Variants in PAQR9 observed in about 807,000 individuals in gnomAD.
PAQR9 encodes the protein progestin and adipoQ receptor family member 9.
In PAQR9, 12 loss-of-function variants were observed where a neutral mutation model predicts 24.0. The ratio of observed to expected loss-of-function variants is 0.50; its 90% CI spans 0.32 to 0.81. The LOEUF is 0.81. PAQR9 is among the 30% of genes least tolerant of loss of function. PAQR9 has a pLI of 0.03. For missense variants in PAQR9, 418 were observed against 520.8 expected (o/e 0.80, Z 1.92); for synonymous variants, 266 against 237.6 (o/e 1.12, Z -1.10).
upstream of PAQR9, chr3:142,963,841 G>C (rs1052644140): frequency 1.0e-6 from 1 of 985,146 alleles, no homozygotes; most frequent in African/African-American, 1.7e-5. Context: ...CCCCTGTCTC[G>C]AGTTCCGTAC....
rs1340908757 is a variant in PAQR9 at position 142,962,735 on chromosome 3, T to A, written c.602A>T (p.Asp201Val). Residue 201 changes from aspartate (D) to valine (V), a missense_variant, in exon 1 of 1, where the codon GAC (aspartate) becomes GTC (valine). By Grantham distance (152) the Asp-to-Val change is radical (BLOSUM62 -3). Transcript: ENST00000340634. ...GTAGGCGGCGATAAGGCGCGTGCAGTCCACGTGCCAGCCCAGGCGCTGCTG... is the reference window on the plus strand; with the variant it reads ...GTAGGCGGCGATAAGGCGCGTGCAGACCACGTGCCAGCCCAGGCGCTGCTG... The part of the protein sequence containing the change: ...YLQQRLGWHV[D>V]CTRLIAAYRA... 1 of 1,612,416 alleles carries A rather than the reference T, an allele frequency of 6.2e-7. No homozygotes were observed. The highest frequency in any genetic ancestry group is 8.5e-7 in the Non-Finnish European group (1 of 1,179,670).
In PAQR9 at chr3:142,963,210, G is replaced by T. The variant is rs1358965423; in HGVS notation, c.127C>A (p.Pro43Thr). The T allele has an allele frequency of 5.7e-6, 9 of 1,569,006 alleles. No homozygotes were observed. The Admixed American group carries it at 9.4e-5, about 16-fold the overall frequency. ...ASRDPPASAK[P>T]LLRWDEVPDD... ...GGCACCTCGTCCCAGCGCAGCAGCG[G>T]CTTGGCAGACGCTGGGGGGTCCCGG... The change falls in exon 1 of 1, where the codon CCG becomes ACG. Residue 43 changes from proline to threonine, a missense_variant. Around this residue, in one of 3 missense-constraint regions of PAQR9, gnomAD observed 180 missense variants for 190.3 expected, o/e 0.95. Coordinates refer to ENST00000340634, the MANE Select transcript of PAQR9 (RefSeq NM_198504.4).
downstream of PAQR9, among the ~76,000 whole-genome samples, chr3:142,951,105 TG>T (rs1367037649): frequency 6.6e-6 from 1 of 152,214 alleles, no homozygotes; most frequent in East Asian, 1.9e-4. Context: ...TCTATAAAGA[TG>T]GGGTCTTGCT....
At position 142,963,001 on chromosome 3, in the gene PAQR9, C is replaced by T. The variant is rs368382625; in HGVS notation, c.336G>A (p.Val112=). Residue 112 remains valine, a synonymous_variant, in exon 1 of 1, where the codon GTG becomes GTA. Coordinates refer to ENST00000340634, the MANE Select transcript of PAQR9 (RefSeq NM_198504.4). ...GTAGCAGCCACGGGTGGTGGAAGGG[C>T]ACGTCGCCGCCGCTCAGGAAGAACA... ...CRLFFLSGGD[V]PFHHPWLLPL... is the part of the protein sequence containing the mutation. The T allele has an allele frequency of 6.2e-7, 1 of 1,614,126 alleles. No individual in the cohort carries two copies.
downstream of PAQR9, among the ~76,000 whole-genome samples, chr3:142,952,364 C>T (rs1934728101): frequency 2.0e-5 from 3 of 152,114 alleles, no homozygotes; most frequent in South Asian, 6.2e-4. Context: ...AATCCTAATA[C>T]AGCATATCTG....
rs2108242225 is a variant in PAQR9, at chr3:142,960,695, T to C, written c.*1508A>G. On this transcript the variant is annotated 3_prime_UTR_variant, in exon 1 of 1. Coordinates refer to ENST00000340634, the MANE Select transcript of PAQR9 (RefSeq NM_198504.4). ...TGTTAATCTAGAGTGGCCATCTCAA[T>C]TACAGGTTAGCATTTGTAAGAAATG... The C allele has an allele frequency of 6.6e-6, 1 of 152,376 alleles. No individual in the cohort carries two copies. Among genetic ancestry groups the C allele is most frequent in the South Asian group, 2.1e-4 (1 of 4,828 alleles). 9.4% of individuals were successfully genotyped at this position (152,376 alleles called of 1,614,324 possible). A position where few individuals can be genotyped will look rare whatever the true frequency, so the allele number is the denominator to read the frequency against.
exon 3 of PAQR9, chr3:142,949,165 T>C (rs1934682862): frequency 6.6e-6 from 1 of 152,254 alleles, no homozygotes; most frequent in African/African-American, 2.4e-5. Flanking sequence ...GATCTTCTTA[T>C]AGTTGGCTTA....
In PAQR9 at chr3:142,963,155, G is replaced by C; in HGVS notation, c.182C>G (p.Ser61Trp). 6.2e-7 allele frequency: 1 copy of C among 1,605,302 alleles called. No homozygotes were observed. Among genetic ancestry groups the C allele is most frequent in the Non-Finnish European group, 8.5e-7 (1 of 1,175,978 alleles). Residue 61 changes from serine (S) to tryptophan (W), a missense_variant, in exon 1 of 1, where the codon TCG becomes TGG. Transcript: ENST00000340634. ...CGTGCACGGCAGACGCCGGTAGCCC[G>C]ACAGGATGAAGCACTCCACGAAGTC... is the stretch of plus-strand genomic sequence containing the variant. ...PDDFVECFILSGYRRLPCTAQ... is the reference protein window; with the variant it reads ...PDDFVECFILWGYRRLPCTAQ...
At chr3:142,952,080 G>A (rs1934724043), downstream of PAQR9, among the ~76,000 whole-genome samples, 1 of 151,784 alleles carries the variant, frequency 6.6e-6, no homozygotes, top group Admixed American at 6.6e-5. Context: ...GTGACATAGT[G>A]GGGAGAGGGT....
rs1369556657 is a variant in PAQR9 at position 142,955,938 on chromosome 3, A to G, written c.*6265T>C. 2.6e-5 allele frequency among the ~76,000 whole-genome samples: 4 copies of G among 152,174 alleles called. No homozygotes were observed. Among genetic ancestry groups the G allele is most frequent in the Non-Finnish European group, 5.9e-5 (4 of 68,032 alleles). ...TTATTTACATTTTTAAAGACCTACT[A>G]GGTCTTTATCATTTGAGTAAGAGCT... On this transcript the variant is annotated 3_prime_UTR_variant, in exon 1 of 1. Transcript: ENST00000340634.
At chr3:142,952,554 T>C (rs1236397744), downstream of PAQR9, among the ~76,000 whole-genome samples, 3 of 152,154 alleles carry the variant, frequency 2.0e-5, no homozygotes, top group Admixed American at 2.0e-4. Context: ...TTAAACTCAA[T>C]TGTAAAATGA....
exon 3 of PAQR9, chr3:142,949,243 T>G (rs1224906418): frequency 6.6e-6 from 1 of 152,216 alleles, no homozygotes; most frequent in Non-Finnish European, 1.5e-5. Flanking sequence ...GACATTTCTG[T>G]GTAACTAAAG....
chr3:142,951,902 A>G (rs949439966), downstream of PAQR9: 1 of 388,568 alleles, frequency 2.6e-6, no homozygotes, highest in African/African-American at 2.1e-5. Flanking sequence ...TCTATCCATC[A>G]ACAAGGAGGC....
At position 142,963,234 on chromosome 3, in the gene PAQR9, G is replaced by A. The variant is rs753780522; in HGVS notation, c.103C>T (p.Arg35Trp). ...GGCTTGGCAGACGCTGGGGGGTCCC[G>A]GGAGGCGGCAGAGTGGGAGTTCCGG... Reference protein sequence around the residue: ...AARNSHSAASRDPPASAKPLL... With the variant: ...AARNSHSAASWDPPASAKPLL... Residue 35 changes from arginine to tryptophan, a missense_variant, in exon 1 of 1, where the codon CGG (arginine) becomes TGG (tryptophan). By Grantham distance (101) the Arg-to-Trp change is moderately radical. Around this residue, in one of 3 missense-constraint regions of PAQR9, gnomAD observed 180 missense variants for 190.3 expected, o/e 0.95. Coordinates refer to ENST00000340634, the MANE Select transcript of PAQR9 (RefSeq NM_198504.4). 5 of 1,547,578 alleles carry A rather than the reference G, an allele frequency of 3.2e-6. No homozygotes were observed. The Admixed American group carries it at 9.7e-5, about 30-fold the overall frequency.
chr3:142,955,035 C>G lies in PAQR9; in HGVS notation c.*7168G>C, dbSNP rs3732742. Among the ~76,000 whole-genome samples the G allele has an allele frequency of 0.02, 2,969 of 152,140 alleles. 86 individuals are homozygous for G. The highest frequency in any genetic ancestry group is 0.065 in the African/African-American group (2,681 of 41,480). On this transcript the variant is annotated 3_prime_UTR_variant, in exon 1 of 1. Transcript: ENST00000340634. ...TCTTTGTGCGCGCATCATTTTTACT[C>G]CCTTCTTTCTCCGTCATCACCCTTA...
At position 142,962,777 on chromosome 3, in the gene PAQR9, ACT is replaced by A. The variant is rs1290559794; in HGVS notation, c.558_559del (p.Arg186SerfsTer190). On this transcript the variant is annotated frameshift_variant, in exon 1 of 1. Coordinates refer to ENST00000340634, the MANE Select transcript of PAQR9 (RefSeq NM_198504.4). LOFTEE classifies it high-confidence loss of function. Reference sequence around the variant, plus strand: ...GCGCTGCTGCAAGTATGGAGTCATGACTCTGGCATCCAGCAAGCTGAGGCCTG... The same window carrying A: ...GCGCTGCTGCAAGTATGGAGTCATGACTGGCATCCAGCAAGCTGAGGCCTG... 2.5e-6 allele frequency: 4 copies of A among 1,612,364 alleles called. No homozygotes were observed. The highest frequency in any genetic ancestry group is 1.3e-5 in the African/African-American group (1 of 74,916).
downstream of PAQR9, among the ~76,000 whole-genome samples, chr3:142,954,160 A>C (rs945019888): frequency 6.6e-6 from 1 of 152,228 alleles, no homozygotes; most frequent in Non-Finnish European, 1.5e-5. Context: ...TAAGAGTTGA[A>C]GTTGGATCTC....
rs917933919 is a variant in PAQR9 at position 142,956,396 on chromosome 3, T to C, written c.*5807A>G. 2.6e-5 allele frequency among the ~76,000 whole-genome samples: 4 copies of C among 152,216 alleles called. No individual in the cohort carries two copies. The highest frequency in any genetic ancestry group is 4.8e-5 in the African/African-American group (2 of 41,460). ...AAAGGTGGCCTGTCACTTTTACACA[T>C]TGGAGAATAATTTTGCACATTCAAG... On this transcript the variant is annotated 3_prime_UTR_variant, in exon 1 of 1. Coordinates refer to ENST00000340634, the MANE Select transcript of PAQR9 (RefSeq NM_198504.4).
chr3:142,949,737 C>T (rs1419134912), downstream of PAQR9: 2 of 152,134 alleles, frequency 1.3e-5, no homozygotes, highest in African/African-American at 2.4e-5. Flanking sequence ...AAAGTCTTGT[C>T]TCTATGTGGA....
Sources: allele counts gnomAD v4.1 joint callset (sites outside exome capture counted in the v4.1 genomes callset), GRCh38; gene constraint gnomAD v4.1.1; regional missense constraint gnomAD v4.1.1; transcripts MANE v1.5; gene names NCBI Gene and HGNC (gene_info 2026-07-23, HGNC 2026-07-21).